Variants in VPS13B observed in about 807,000 individuals in gnomAD.
VPS13B encodes intermembrane lipid transfer protein VPS13B.
VPS13B carries 285 observed loss-of-function variants against 426.4 expected under a neutral mutation model. The ratio of observed to expected loss-of-function variants is 0.67; its 90% confidence interval spans 0.61 to 0.74. VPS13B has a LOEUF of 0.74. Ranked by LOEUF, VPS13B falls within the 30% of genes least tolerant of loss-of-function variation. VPS13B has a pLI of 0.00. For synonymous variants in VPS13B, 1,676 were observed against 1,676.4 expected (o/e 1.00, Z 0.01); for missense variants, 4,537 against 4,782.6 (o/e 0.95, Z 1.51).
chr8:99,696,661 T>C (rs1588632790), intron 35 of VPS13B: 1 of 723,332 alleles, frequency 1.4e-6, no homozygotes, highest in East Asian at 2.8e-5. Flanking sequence ...CAGGACACCA[T>C]CGAGGAGAGG....
At chr8:99,806,584 AG>A (rs1222847373) in intron 43 of VPS13B, among the ~76,000 whole-genome samples, 1 of 152,182 alleles carries the variant, frequency 6.6e-6, no homozygotes, top group African/African-American at 2.4e-5. Context: ...TTTCCTCCAT[AG>A]TGCCTAGCAT....
At chr8:99,623,213 C>G (rs1456486693) in intron 33 of VPS13B, among the ~76,000 whole-genome samples, 1 of 152,140 alleles carries the variant, frequency 6.6e-6, no homozygotes, top group Non-Finnish European at 1.5e-5. Flanking sequence ...TTTTGTGATT[C>G]CTGCCACCAG....
At chr8:99,314,988 C>T (rs1381899303) in intron 19 of VPS13B, among the ~76,000 whole-genome samples, 2 of 152,046 alleles carry the variant, frequency 1.3e-5, no homozygotes, top group Non-Finnish European at 2.9e-5. Flanking sequence ...ATATCTTTTT[C>T]CATCTTTATG....
At chr8:99,490,435 T>A (rs2133578868) in intron 25 of VPS13B, among the ~76,000 whole-genome samples, 1 of 152,328 alleles carries the variant, frequency 6.6e-6, no homozygotes, top group Non-Finnish European at 1.5e-5. Context: ...TAGGGAGGAT[T>A]CCCTCTTCTT....
At chr8:99,344,471 G>A (rs973041808) in intron 19 of VPS13B, among the ~76,000 whole-genome samples, 1 of 152,122 alleles carries the variant, frequency 6.6e-6, no homozygotes, top group African/African-American at 2.4e-5. Flanking sequence ...GAGTTATAGG[G>A]TAGGTATGTC....
At chr8:99,788,888 A>G (rs984473533) in intron 43 of VPS13B, among the ~76,000 whole-genome samples, 2 of 152,208 alleles carry the variant, frequency 1.3e-5, no homozygotes, top group African/African-American at 4.8e-5. Flanking sequence ...GGTTTGATTT[A>G]AAATTGTTTT....
intron 15 of VPS13B, among the ~76,000 whole-genome samples, chr8:99,164,686 ATC>A (rs909175453): frequency 6.6e-6 from 1 of 151,668 alleles, no homozygotes; most frequent in Non-Finnish European, 1.5e-5. Context: ...TACTACTTCC[ATC>A]TCTCTCTTTC....
rs1343576349 is a variant in VPS13B, at chr8:99,135,093, A to G, written c.1381A>G (p.Met461Val). The G allele has an allele frequency of 2.5e-6, 4 of 1,613,448 alleles. No homozygotes were observed. Among genetic ancestry groups the G allele is most frequent in the Non-Finnish European group, 1.7e-6 (2 of 1,179,614 alleles). Residue 461 changes from methionine (M) to valine (V), a missense_variant, in exon 10 of 62, where the codon ATG becomes GTG. Coordinates refer to ENST00000357162, the MANE Select transcript of VPS13B (RefSeq NM_152564.5). The stretch of plus-strand genomic sequence containing the variant: ...CAGAGCCATGTGCCTTAAAGGAATT[A>G]TGGGTGTTAAAGATTTTGAAGAGAA... The part of the protein sequence containing the change: ...GCRAMCLKGI[M>V]GVKDFEENMN...
intron 35 of VPS13B, among the ~76,000 whole-genome samples, chr8:99,685,577 T>C (rs1184536135): frequency 2.0e-5 from 3 of 152,356 alleles, no homozygotes; most frequent in East Asian, 3.9e-4. Context: ...CCTCTGATTG[T>C]GTATTTTCAA....
intron 2 of VPS13B, among the ~76,000 whole-genome samples, chr8:99,017,504 T>A (rs1054933050): frequency 4.0e-5 from 6 of 151,778 alleles, no homozygotes; most frequent in African/African-American, 1.5e-4. Context: ...TTTTTTATTT[T>A]TATTTTTTGA....
At position 99,817,544 on chromosome 8, in the gene VPS13B, T is replaced by C. The variant is rs189689493; in HGVS notation, c.8102T>C (p.Ile2701Thr). ...QQLNGVQKQI[I>T]ICGRQIICSY... The stretch of plus-strand genomic sequence containing the variant: ...ATATACTTAACTGTCTTTTAGATTA[T>C]CATCTGTGGAAGACAGATCATCTGT... Residue 2701 changes from isoleucine (I) to threonine (T), a missense_variant, in exon 45 of 62, where the codon ATC becomes ACC. Coordinates refer to ENST00000357162, the MANE Select transcript of VPS13B (RefSeq NM_152564.5). The C allele has an allele frequency of 1.3e-5, 21 of 1,614,022 alleles. No homozygotes were observed. The African/African-American group carries it at 2.4e-4, about 18-fold the overall frequency.
At chr8:99,614,326 G>A (rs980935829) in intron 33 of VPS13B, among the ~76,000 whole-genome samples, 1 of 152,004 alleles carries the variant, frequency 6.6e-6, no homozygotes, top group Admixed American at 6.6e-5. Flanking sequence ...TGCACAGGCT[G>A]GAGTGCAATG....
chr8:99,839,877 A>G (rs982812674), intron 54 of VPS13B, among the ~76,000 whole-genome samples: 1 of 152,260 alleles, frequency 6.6e-6, no homozygotes, highest in African/African-American at 2.4e-5. Flanking sequence ...ATTACTCTGT[A>G]GCATCCATTC....
chr8:99,555,374 C>A (rs778063912), intron 30 of VPS13B, among the ~76,000 whole-genome samples: 15 of 152,242 alleles, frequency 9.9e-5, no homozygotes, highest in South Asian at 4.1e-4. Context: ...CCCCCATCAC[C>A]TCCCAATAAT....
At chr8:99,210,602 A>AATAT (rs577723439) in intron 17 of VPS13B, among the ~76,000 whole-genome samples, 2 of 150,928 alleles carry the variant, frequency 1.3e-5, no homozygotes, top group Admixed American at 1.3e-4. Flanking sequence ...GGTCTTGAAA[A>AATAT]ATATATATAT....
At chr8:99,814,967 A>C (rs930151800) in intron 44 of VPS13B, among the ~76,000 whole-genome samples, 59 of 152,126 alleles carry the variant, frequency 3.9e-4, no homozygotes, top group African/African-American at 1.4e-3. Context: ...GGGTAACACC[A>C]AGCAAGTTAT....
chr8:99,078,959 A>T (rs1845290874), intron 3 of VPS13B, among the ~76,000 whole-genome samples: 1 of 151,996 alleles, frequency 6.6e-6, no homozygotes. Flanking sequence ...CACATGGTAA[A>T]GGTGGCTGTC....
chr8:99,875,504 C>T lies in VPS13B; in HGVS notation c.11832C>T (p.Pro3944=). The change falls in exon 62 of 62, where the codon CCC becomes CCT. Residue 3944 remains proline (P), a synonymous_variant. Transcript: ENST00000357162. ...YITKTSCHLA[P]SCSSMQIPCP... ...CAAAGACATCTTGTCACCTGGCCCC[C>T]AGCTGTTCTTCCATGCAAATACCAT... 6.2e-7 allele frequency: 1 copy of T among 1,614,116 alleles called. No homozygotes were observed. The highest frequency in any genetic ancestry group is 2.2e-5 in the East Asian group (1 of 44,882).
At chr8:99,727,597 A>G (rs911418111) in intron 39 of VPS13B, among the ~76,000 whole-genome samples, 1 of 152,196 alleles carries the variant, frequency 6.6e-6, no homozygotes, top group Non-Finnish European at 1.5e-5. Flanking sequence ...ATTTAAAACC[A>G]TCAGATCTTG....
Sources: gnomAD v4.1 joint callset for allele counts (sites outside exome capture counted in the v4.1 genomes callset) on GRCh38, gnomAD v4.1.1 for gene constraint, MANE v1.5 for transcripts, NCBI Gene and HGNC (gene_info 2026-07-23, HGNC 2026-07-21) for gene names.